The following RORA variants were observed in gnomAD, a reference collection of about 807,000 sequenced individuals.
RORA encodes RAR related orphan receptor A, also known as nuclear receptor ROR-alpha.
Under a neutral mutation model 69.5 loss-of-function variants are expected in RORA, and 7 were observed. The observed-to-expected ratio is 0.10, with a 90% CI of 0.06 to 0.19. The LOEUF is 0.19. Among genes scored for constraint, RORA ranks in the 10% least tolerant of loss-of-function variants. The probability of loss-of-function intolerance (pLI) is 1.00; values close to 1 mark genes in which losing one functional copy is unlikely to be tolerated. For missense variants in RORA, 457 were observed against 663.0 expected (o/e 0.69, Z 3.41); for synonymous variants, 261 against 240.8 (o/e 1.08, Z -0.78).
rs2065705176 is a variant in RORA at position 60,511,718 on chromosome 15, C to T, written c.425-97G>A. 7.5e-7 allele frequency: 1 copy of T among 1,330,216 alleles called. No homozygotes were observed. The highest frequency in any genetic ancestry group is 2.7e-5 in the Admixed American group (1 of 36,532). 82.4% of individuals were successfully genotyped at this position (1,330,216 alleles called of 1,614,324 possible). A position where few individuals can be genotyped will look rare whatever the true frequency, so the allele number is the denominator to read the frequency against. On this transcript the variant is annotated intron_variant, in intron 4 of 10. Transcript: ENST00000335670. This position sits in a 1 kb window ranked among gnomAD's most constrained non-coding sequence, Gnocchi z 6.4. ...GGTTTCCTTTGAAGTCTCACACAAT[C>T]TCAATCCAAAACTGCATGACCACAA...
chr15:61,220,073 C>T (rs993170104), intron 1 of RORA, among the ~76,000 whole-genome samples: 1 of 152,228 alleles, frequency 6.6e-6, no homozygotes, highest in African/African-American at 2.4e-5. Context: ...ACTTTCTGCA[C>T]ACATGTGCTC....
At chr15:60,620,524 G>A (rs1432093014) in intron 2 of RORA, among the ~76,000 whole-genome samples, 1 of 152,212 alleles carries the variant, frequency 6.6e-6, no homozygotes, top group Admixed American at 6.5e-5. Flanking sequence ...ATCTAGGGTA[G>A]TACCTGCCAC....
Position 60,531,941 on chromosome 15 carries a change from T to G in RORA, c.197-90A>C. On this transcript the variant is annotated intron_variant, in intron 2 of 10. Transcript: ENST00000335670. The surrounding 1 kb of genome is among the most constrained non-coding windows in gnomAD (Gnocchi z 4.8). Reference sequence around the variant, plus strand: ...TGATCAGCATTTGTATAGTGAAAACTAATAACCTGCTAAACATTATACTGC... The same window carrying G: ...TGATCAGCATTTGTATAGTGAAAACGAATAACCTGCTAAACATTATACTGC... 1.4e-6 allele frequency: 1 copy of G among 713,564 alleles called. No individual in the cohort carries two copies. Among genetic ancestry groups the G allele is most frequent in the South Asian group, 1.9e-5 (1 of 52,978 alleles). The allele number at this position is 713,564 out of a possible 1,614,324, so 44.2% of individuals were successfully genotyped here.
intron 1 of RORA, chr15:60,765,198 AGGACTTT>A (rs1430301018): frequency 1.3e-5 from 2 of 152,138 alleles, no homozygotes; most frequent in Non-Finnish European, 2.9e-5. Flanking sequence ...TTGAACGAGA[AGGACTTT>A]GGCTCAAATC....
At chr15:60,618,372 G>A (rs2140612960) in intron 2 of RORA, among the ~76,000 whole-genome samples, 1 of 152,164 alleles carries the variant, frequency 6.6e-6, no homozygotes, top group East Asian at 1.9e-4. Flanking sequence ...TGTAGCAGGT[G>A]GTGACACAGA....
chr15:60,828,285 G>A (rs868451847), intron 1 of RORA, among the ~76,000 whole-genome samples: 1 of 152,204 alleles, frequency 6.6e-6, no homozygotes, highest in South Asian at 2.1e-4. Flanking sequence ...GCGCAGGCAA[G>A]TAAAGAGACA....
rs536143623 is a variant in RORA at position 60,570,999 on chromosome 15, T to C, written c.197-39148A>G. ...TTTGCCCTGTCTGTATCCTGCCTTG[T>C]ATGCCCAGTGTTGAATGGCAGATAA... On this transcript the variant is annotated intron_variant, in intron 2 of 10. Coordinates refer to ENST00000335670, the MANE Select transcript of RORA (RefSeq NM_134261.3). Among the ~76,000 whole-genome samples, 7 of 152,348 alleles carry C rather than the reference T, an allele frequency of 4.6e-5. No individual in the cohort carries two copies. In the East Asian group the frequency reaches 1.2e-3, roughly 25 times the overall value.
intron 2 of RORA, among the ~76,000 whole-genome samples, chr15:60,580,863 A>C (rs1470002887): frequency 6.6e-6 from 1 of 152,224 alleles, no homozygotes; most frequent in African/African-American, 2.4e-5. Context: ...GCCTACAAAG[A>C]GAGCTGTCAG....
chr15:61,066,059 G>C (rs1237404501), intron 1 of RORA, among the ~76,000 whole-genome samples: 1 of 152,138 alleles, frequency 6.6e-6, no homozygotes, highest in Non-Finnish European at 1.5e-5. Flanking sequence ...ATTTGTCTGA[G>C]AAATTTACTA....
chr15:60,676,569 C>T lies in RORA; in HGVS notation c.196+2088G>A, dbSNP rs908265202. ...GCTTTAAGTCTTTCTACATTGACTT[C>T]AAGCTTAATGCCTAAGAATTTTCTT... On this transcript the variant is annotated intron_variant, in intron 2 of 10. Transcript: ENST00000335670. Among the ~76,000 whole-genome samples, 3 of 152,248 alleles carry T rather than the reference C, an allele frequency of 2.0e-5. No individual in the cohort carries two copies. In the East Asian group the frequency reaches 5.8e-4, roughly 29 times the overall value.
At chr15:60,995,204 T>C (rs1403247164) in intron 1 of RORA, among the ~76,000 whole-genome samples, 1 of 152,186 alleles carries the variant, frequency 6.6e-6, no homozygotes, top group East Asian at 1.9e-4. Context: ...CTTCTTTCCT[T>C]TCCGCAGATG....
At chr15:61,221,234 G>A (rs781261464) in intron 1 of RORA, among the ~76,000 whole-genome samples, 6 of 152,094 alleles carry the variant, frequency 3.9e-5, no homozygotes, top group Non-Finnish European at 2.9e-5. Flanking sequence ...GATTTCTTCC[G>A]TACAACCTAA....
At chr15:60,683,313 CAT>C (rs1220361813) in intron 1 of RORA, among the ~76,000 whole-genome samples, 1 of 3,952 alleles carries the variant, frequency 2.5e-4, no homozygotes, top group Non-Finnish European at 6.8e-4. Context: ...GCCCAGCCAA[CAT>C]GATTTCTTAA....
intron 1 of RORA, among the ~76,000 whole-genome samples, chr15:60,900,325 T>G (rs996210853): frequency 6.6e-5 from 10 of 152,322 alleles, no homozygotes; most frequent in African/African-American, 2.4e-4. Flanking sequence ...ACATAAACAG[T>G]AGCCCAACAG....
At chr15:60,530,089 G>GC (rs1287813348) in intron 3 of RORA, 5 of 152,228 alleles carry the variant, frequency 3.3e-5, no homozygotes, top group African/African-American at 1.2e-4. Flanking sequence ...ATTGAGAAAG[G>GC]CCATGACATG....
At chr15:60,875,298 G>T (rs895889750) in intron 1 of RORA, among the ~76,000 whole-genome samples, 1 of 152,156 alleles carries the variant, frequency 6.6e-6, no homozygotes, top group African/African-American at 2.4e-5. Flanking sequence ...TGCCCTCAAG[G>T]ACACAGCTTT....
At chr15:60,584,359 G>A (rs2068271805) in intron 2 of RORA, among the ~76,000 whole-genome samples, 1 of 152,206 alleles carries the variant, frequency 6.6e-6, no homozygotes, top group Non-Finnish European at 1.5e-5. Flanking sequence ...TCATCCATAA[G>A]TATAGGGTTT....
chr15:61,031,096 T>A lies in RORA; in HGVS notation c.166+197957A>T, dbSNP rs186802427. ...ACTGAATTTATTTACAAATTGTCACTCTCTTGACAAGATTTGAGCAGTAGA... is the reference window on the plus strand; with the variant it reads ...ACTGAATTTATTTACAAATTGTCACACTCTTGACAAGATTTGAGCAGTAGA... On this transcript the variant is annotated intron_variant, in intron 1 of 10. Coordinates refer to ENST00000335670, the MANE Select transcript of RORA (RefSeq NM_134261.3). Among the ~76,000 whole-genome samples, 9 of 152,246 alleles carry A rather than the reference T, an allele frequency of 5.9e-5. No homozygotes were observed. The East Asian group carries it at 1.7e-3, about 29-fold the overall frequency.
chr15:60,833,155 CG>C (rs1412468562), intron 1 of RORA, among the ~76,000 whole-genome samples: 1 of 151,970 alleles, frequency 6.6e-6, no homozygotes, highest in African/African-American at 2.4e-5. Flanking sequence ...CCGCCCGCCT[CG>C]GCCTCTCAAA....
Sources: gnomAD v4.1 joint callset for allele counts (sites outside exome capture counted in the v4.1 genomes callset) on GRCh38, gnomAD v4.1.1 for gene constraint, Gnocchi (gnomAD v3.1) non-coding constraint, MANE v1.5 for transcripts, NCBI Gene and HGNC (gene_info 2026-07-23, HGNC 2026-07-21) for gene names.